Variants in NR6A1 observed in about 807,000 individuals in gnomAD.
NR6A1 encodes the protein nuclear receptor subfamily 6 group A member 1, also known as retinoic acid receptor-related testis-associated receptor.
Under a neutral mutation model 59.1 loss-of-function variants are expected in NR6A1, and 7 were observed. That is an observed-to-expected ratio of 0.12 (90% CI 0.07 to 0.22). The LOEUF is 0.22. Ranked by LOEUF, NR6A1 falls within the 10% of genes least tolerant of loss-of-function variation. NR6A1 has a pLI of 1.00. For synonymous variants in NR6A1, 243 were observed against 236.1 expected, an observed-to-expected ratio of 1.03 and a Z score of -0.27; for missense variants, 468 against 611.6, an observed-to-expected ratio of 0.77 and a Z score of 2.48.
intron 2 of NR6A1, among the ~76,000 whole-genome samples, chr9:124,675,939 T>C (rs1051322928): frequency 6.6e-6 from 1 of 152,176 alleles, no homozygotes; most frequent in Non-Finnish European, 1.5e-5. Context: ...TACTCAAATA[T>C]TGTACTTTGG....
chr9:124,645,274 T>C (rs944317680), intron 2 of NR6A1, among the ~76,000 whole-genome samples: 1 of 152,144 alleles, frequency 6.6e-6, no homozygotes. Context: ...AATAAATATA[T>C]AGCAGGTATT....
At chr9:124,573,325 A>C (rs957033672) in intron 2 of NR6A1, among the ~76,000 whole-genome samples, 1 of 152,234 alleles carries the variant, frequency 6.6e-6, no homozygotes, top group African/African-American at 2.4e-5. Flanking sequence ...CAACCTAAGG[A>C]ATGAACACTA....
At chr9:124,679,732 A>G (rs1016361218) in intron 2 of NR6A1, among the ~76,000 whole-genome samples, 8 of 151,758 alleles carry the variant, frequency 5.3e-5, no homozygotes, top group Non-Finnish European at 1.2e-4. Context: ...TCTACTAAAA[A>G]TACAAAAAAA....
intron 2 of NR6A1, among the ~76,000 whole-genome samples, chr9:124,714,233 AG>A (rs1316170738): frequency 1.3e-5 from 2 of 152,220 alleles, no homozygotes; most frequent in African/African-American, 4.8e-5. Flanking sequence ...TACCAGGAGC[AG>A]GGGAGAATGG....
At chr9:124,599,478 C>A (rs530793983) in intron 2 of NR6A1, 173 of 471,830 alleles carry the variant, frequency 3.7e-4, no homozygotes, top group African/African-American at 2.7e-3. Flanking sequence ...ATTTCTTGCT[C>A]AGGAAGAGAA....
intron 2 of NR6A1, among the ~76,000 whole-genome samples, chr9:124,557,209 A>T (rs942942972): frequency 6.6e-6 from 1 of 152,030 alleles, no homozygotes; most frequent in Non-Finnish European, 1.5e-5. Context: ...GCTCACTGCA[A>T]CCTCTGCCTC....
At chr9:124,759,557 T>C (rs1448916951) in intron 1 of NR6A1, among the ~76,000 whole-genome samples, 5 of 152,216 alleles carry the variant, frequency 3.3e-5, no homozygotes, top group Non-Finnish European at 7.3e-5. Context: ...AAAAGGCTCA[T>C]ATTCCTGACT....
rs1290429589 is a variant in NR6A1, at chr9:124,536,549, C to T, written c.825-417G>A. 1.3e-5 allele frequency among the ~76,000 whole-genome samples: 2 copies of T among 151,916 alleles called. 1 individual carries two copies. Among genetic ancestry groups the T allele is most frequent in the Non-Finnish European group, 2.9e-5 (2 of 68,008 alleles). ...TAGCACATGCCTGTAATCCCAGCTA[C>T]TCGGGAGGCTGAGGCAGAGGCAGAA... is the stretch of plus-strand genomic sequence containing the variant. On this transcript the variant is annotated intron_variant, in intron 6 of 9. Coordinates refer to ENST00000487099, the MANE Select transcript of NR6A1 (RefSeq NM_033334.4).
chr9:124,761,706 T>C (rs887883057), intron 1 of NR6A1, among the ~76,000 whole-genome samples: 1 of 152,210 alleles, frequency 6.6e-6, no homozygotes, highest in African/African-American at 2.4e-5. Context: ...AAACTATTCT[T>C]GATGGAAGTT....
chr9:124,709,039 T>C (rs762334556), intron 2 of NR6A1, among the ~76,000 whole-genome samples: 2 of 152,174 alleles, frequency 1.3e-5, no homozygotes, highest in Admixed American at 6.5e-5. Flanking sequence ...CAAGCATCAA[T>C]TAATACCTGG....
chr9:124,531,634 C>T (rs1242051189), intron 7 of NR6A1, among the ~76,000 whole-genome samples: 1 of 152,094 alleles, frequency 6.6e-6, no homozygotes, highest in African/African-American at 2.4e-5. Flanking sequence ...CTATGACCTC[C>T]TAGGCAGTCC....
In NR6A1 at chr9:124,583,948, G is replaced by C. The variant is rs1328990037; in HGVS notation, c.143-29378C>G. On this transcript the variant is annotated intron_variant, in intron 2 of 9. Coordinates refer to ENST00000487099, the MANE Select transcript of NR6A1 (RefSeq NM_033334.4). The stretch of plus-strand genomic sequence containing the variant: ...TGTGAGGATCTATTTCCCTCTGCTA[G>C]ACTTGGGTATATCACAGGGCAGGGA... Among the ~76,000 whole-genome samples, 183 of 152,268 alleles carry C rather than the reference G, an allele frequency of 1.2e-3. 2 individuals are homozygous for C. Among genetic ancestry groups the C allele is most frequent in the Non-Finnish European group, 7.4e-5 (5 of 68,020 alleles).
At chr9:124,645,227 T>C (rs1836897017) in intron 2 of NR6A1, among the ~76,000 whole-genome samples, 1 of 151,950 alleles carries the variant, frequency 6.6e-6, no homozygotes, top group Non-Finnish European at 1.5e-5. Context: ...ACAGGAAATG[T>C]GTAGAAGAGA....
intron 2 of NR6A1, among the ~76,000 whole-genome samples, chr9:124,715,106 G>A (rs533877148): frequency 6.6e-6 from 1 of 151,942 alleles, no homozygotes; most frequent in Non-Finnish European, 1.5e-5. Context: ...GCTGAGGCAG[G>A]AGAATCGCTT....
Position 124,607,852 on chromosome 9 carries a change from C to T in NR6A1, c.143-53282G>A, listed in dbSNP as rs183124972. Among the ~76,000 whole-genome samples the T allele has an allele frequency of 2.6e-5, 4 of 152,212 alleles. No homozygotes were observed. The East Asian group carries it at 5.8e-4, about 22-fold the overall frequency. ...TTGAGGCCAGGAGTTCAAGACCAAC[C>T]TGGGCAACATAGCGTAACCCTGTCT... is the stretch of plus-strand genomic sequence containing the variant. On this transcript the variant is annotated intron_variant, in intron 2 of 9. Transcript: ENST00000487099.
chr9:124,679,202 G>A (rs1838049267), intron 2 of NR6A1, among the ~76,000 whole-genome samples: 1 of 152,138 alleles, frequency 6.6e-6, no homozygotes, highest in Admixed American at 6.5e-5. Flanking sequence ...CACAGAGACT[G>A]TACAAAAATA....
intron 2 of NR6A1, among the ~76,000 whole-genome samples, chr9:124,559,978 C>T (rs1156494452): frequency 6.6e-6 from 1 of 152,208 alleles, no homozygotes; most frequent in Non-Finnish European, 1.5e-5. Context: ...TAAGTACATA[C>T]ATTTTACAAT....
intron 2 of NR6A1, among the ~76,000 whole-genome samples, chr9:124,699,527 A>C (rs1281933899): frequency 6.6e-6 from 1 of 152,202 alleles, no homozygotes; most frequent in African/African-American, 2.4e-5. Context: ...CATAGCAAAT[A>C]ATCAGTGGGG....
At chr9:124,668,206 C>T (rs1445895716) in intron 2 of NR6A1, among the ~76,000 whole-genome samples, 14 of 151,994 alleles carry the variant, frequency 9.2e-5, no homozygotes, top group Admixed American at 9.2e-4. Flanking sequence ...ATAAGGAACA[C>T]AAAATATATT....
Sources: allele counts gnomAD v4.1 joint callset (sites outside exome capture counted in the v4.1 genomes callset), GRCh38; gene constraint gnomAD v4.1.1; transcripts MANE v1.5; gene names NCBI Gene and HGNC (gene_info 2026-07-23, HGNC 2026-07-21).